The following TTN variants were observed in gnomAD, a reference collection of about 807,000 sequenced individuals.
The protein encoded by TTN is connectin.
Under a neutral mutation model 3,223.0 loss-of-function variants are expected in TTN, and 1,525 were observed. The observed-to-expected ratio is 0.47, with a 90% confidence interval of 0.45 to 0.49. The LOEUF is 0.49. Among genes scored for constraint, TTN ranks in the 20% least tolerant of loss-of-function variants. The probability of loss-of-function intolerance (pLI) is 0.00; values close to 1 mark genes in which losing one functional copy is unlikely to be tolerated. For synonymous variants in TTN, 14,094 were observed against 15,161.0 expected, an observed-to-expected ratio of 0.93 and a Z score of 5.17; for missense variants, 40,786 against 43,424.0, an observed-to-expected ratio of 0.94 and a Z score of 5.40.
At chr2:178,734,627 T>G in intron 51 of TTN, 21 bp from the exon 52 acceptor site, 1 of 1,560,062 alleles carries the variant, frequency 6.4e-7, no homozygotes, top group African/African-American at 1.4e-5. Flanking sequence ...ATGAAAGCAT[T>G]GTGTAAGTAA....
chr2:178,727,760 T>C lies in TTN; in HGVS notation c.19818A>G (p.Lys6606=), dbSNP rs397517492. Residue 6606 remains lysine (K), a synonymous_variant, in exon 68 of 363, where the codon AAA becomes AAG. Transcript: ENST00000589042. The stretch of plus-strand genomic sequence containing the variant: ...CAAGTTCCACATCATCCTTAAACCA[T>C]TTTATTTTAAATGGTGGTGTTCCTT... ...ILKGTPPFKI[K]WFKDDVELVS... 94 of 1,613,284 alleles carry C rather than the reference T, an allele frequency of 5.8e-5. No homozygotes were observed. In the South Asian group the frequency reaches 6.7e-4, roughly 12 times the overall value.
At chr2:178,735,100 C>T in intron 50 of TTN, 112 bp from the exon 51 acceptor site, 1 of 1,230,290 alleles carries the variant, frequency 8.1e-7, no homozygotes. Flanking sequence ...AATATCTCCA[C>T]AAAATTTCTG....
At chr2:178,807,103 T>C (rs541863118) in intron 1 of TTN, 109 bp downstream of exon 1, 1 of 152,250 alleles carries the variant, frequency 6.6e-6, no homozygotes, top group Admixed American at 6.5e-5. Flanking sequence ...TGGCAAGAAA[T>C]AGTCATACAA....
rs773233047 is a variant in TTN at position 178,633,138 on chromosome 2, A to G, written c.43086+49T>C. 34 of 1,602,822 alleles carry G rather than the reference A, an allele frequency of 2.1e-5. 1 individual carries two copies. The South Asian group carries it at 3.8e-4, about 18-fold the overall frequency. On this transcript the variant is annotated intron_variant, in intron 233 of 362. Coordinates refer to ENST00000589042, the MANE Select transcript of TTN (RefSeq NM_001267550.2). ...GATATTTTATGCCTTTTTTCACCCT[A>G]CACAACCAAGCAACCCCTCTCCTAT...
intron 215 of TTN, among the ~76,000 whole-genome samples, 194 bp from the exon 216 acceptor site, chr2:178,646,753 A>G (rs772491112): frequency 1.3e-5 from 2 of 152,050 alleles, no homozygotes; most frequent in Non-Finnish European, 2.9e-5. Context: ...AGATTATTCA[A>G]TGTATATTGA....
intron 294 of TTN, 48 bp downstream of exon 294, chr2:178,597,490 T>A (rs773236911): frequency 7.0e-6 from 11 of 1,561,678 alleles, no homozygotes; most frequent in Non-Finnish European, 8.7e-6. Flanking sequence ...GTAAATATAA[T>A]AAGAATGTTG....
Position 178,561,605 on chromosome 2 carries a change from T to G in TTN, c.84527A>C (p.Gln28176Pro). The change falls in exon 326 of 363, where the codon CAA (glutamine) becomes CCA (proline). Residue 28176 changes from glutamine to proline, a missense_variant. Physicochemically the swap from Gln to Pro is moderately conservative, Grantham distance 76. Coordinates refer to ENST00000589042, the MANE Select transcript of TTN (RefSeq NM_001267550.2). ...ATKSTMLVTWQVPVNDGGSRV... is the reference protein window; with the variant it reads ...ATKSTMLVTWPVPVNDGGSRV... The stretch of plus-strand genomic sequence containing the variant: ...ACTTCCTCCATCATTAACTGGCACT[T>G]GCCAGGTTACAAGCATGGTAGATTT... 1 of 1,613,130 alleles carries G rather than the reference T, an allele frequency of 6.2e-7. No individual in the cohort carries two copies. The highest frequency in any genetic ancestry group is 2.2e-5 in the East Asian group (1 of 44,740).
Position 178,610,950 on chromosome 2 carries a change from C to T in TTN, c.51136+43G>A, listed in dbSNP as rs1324588455. 3.7e-6 allele frequency: 6 copies of T among 1,604,486 alleles called. No homozygotes were observed. The South Asian group carries it at 6.7e-5, about 18-fold the overall frequency. On this transcript the variant is annotated intron_variant, in intron 270 of 362. Coordinates refer to ENST00000589042, the MANE Select transcript of TTN (RefSeq NM_001267550.2). Reference sequence around the variant, plus strand: ...GCACTGCAAAGTTAACTAATTTCCTCTACATGTGAAGAATGTCTGGTTTTT... The same window carrying T: ...GCACTGCAAAGTTAACTAATTTCCTTTACATGTGAAGAATGTCTGGTTTTT...
At chr2:178,645,413 C>T (rs2061776338) in intron 217 of TTN, among the ~76,000 whole-genome samples, 1 of 151,800 alleles carries the variant, frequency 6.6e-6, no homozygotes, top group African/African-American at 2.4e-5. Flanking sequence ...CATATGCTTT[C>T]CTTTCATGAT....
Position 178,531,111 on chromosome 2 carries a change from C to T in TTN, c.105504G>A (p.Val35168=), listed in dbSNP as rs772197777. Residue 35168 remains valine (V), a synonymous_variant, in exon 358 of 363, where the codon GTG becomes GTA. Coordinates refer to ENST00000589042, the MANE Select transcript of TTN (RefSeq NM_001267550.2). ...PTVTWLRKGQ[V]LSTSARHQVT... ...CTTGGTGGCGGGCAGAAGTACTTAG[C>T]ACTTGTCCTTTACGCAGCCAGGTCA... 1.2e-6 allele frequency: 2 copies of T among 1,613,964 alleles called. No individual in the cohort carries two copies. The highest frequency in any genetic ancestry group is 2.2e-5 in the South Asian group (2 of 91,076).
Position 178,561,642 on chromosome 2 carries a change from C to T in TTN, c.84490G>A (p.Val28164Met). The change falls in exon 326 of 363, where the codon GTG becomes ATG. Residue 28164 changes from valine (V) to methionine (M), a missense_variant. Physicochemically the swap from Val to Met is conservative, Grantham distance 21. Transcript: ENST00000589042. ...PPGPPGTPKV[V>M]HATKSTMLVT... Reference sequence around the variant, plus strand: ...AGCATGGTAGATTTTGTGGCATGCACAACTTTAGGAGTACCAGGAGGACCT... The same window carrying T: ...AGCATGGTAGATTTTGTGGCATGCATAACTTTAGGAGTACCAGGAGGACCT... 1 of 1,610,248 alleles carries T rather than the reference C, an allele frequency of 6.2e-7. No homozygotes were observed. Among genetic ancestry groups the T allele is most frequent in the Admixed American group, 1.7e-5 (1 of 59,696 alleles).
chr2:178,793,706 A>G (rs2093629412), intron 8 of TTN, among the ~76,000 whole-genome samples, 165 bp from the exon 9 acceptor site: 1 of 152,216 alleles, frequency 6.6e-6, no homozygotes, highest in Non-Finnish European at 1.5e-5. Context: ...AGACTGAGGC[A>G]CAAGAATCAC....
At chr2:178,648,846 G>A (rs2062447592) in intron 213 of TTN, among the ~76,000 whole-genome samples, 1 of 152,104 alleles carries the variant, frequency 6.6e-6, no homozygotes, top group Non-Finnish European at 1.5e-5. Context: ...CACTTGCTAT[G>A]TGTAATCACT....
In TTN at chr2:178,535,003, C is replaced by T. The variant is rs1456770394; in HGVS notation, c.101612G>A (p.Arg33871Lys). The T allele has an allele frequency of 1.9e-6, 3 of 1,613,642 alleles. No individual in the cohort carries two copies. The highest frequency in any genetic ancestry group is 2.5e-6 in the Non-Finnish European group (3 of 1,179,848). ...ATGGAGGTGTAAGATGTTTCTATGC[C>T]TAGCAATATTCAGAATGGAAATTTC... is the stretch of plus-strand genomic sequence containing the variant. ...KKEISILNIA[R>K]HRNILHLHES... is the part of the protein sequence containing the mutation. The change falls in exon 358 of 363, where the codon AGG becomes AAG. Residue 33871 changes from arginine to lysine, a missense_variant. By Grantham distance (26) the Arg-to-Lys change is conservative. Coordinates refer to ENST00000589042, the MANE Select transcript of TTN (RefSeq NM_001267550.2).
Position 178,723,339 on chromosome 2 carries a change from A to G in TTN, c.21683-15T>C. 2 of 1,608,240 alleles carry G rather than the reference A, an allele frequency of 1.2e-6. No homozygotes were observed. Among genetic ancestry groups the G allele is most frequent in the Non-Finnish European group, 1.7e-6 (2 of 1,176,792 alleles). On this transcript the variant is annotated splice_polypyrimidine_tract_variant and intron_variant, in intron 74 of 362. Transcript: ENST00000589042. ...TGCAGCTGGTTCTAGTAAGTGACAAAGCACAGCAGTTAAACACAAGAAAAA... is the reference window on the plus strand; with the variant it reads ...TGCAGCTGGTTCTAGTAAGTGACAAGGCACAGCAGTTAAACACAAGAAAAA...
chr2:178,572,071 G>A lies in TTN; in HGVS notation c.74061C>T (p.Phe24687=). The change falls in exon 326 of 363, where the codon TTC becomes TTT. Residue 24687 remains phenylalanine, a synonymous_variant. Transcript: ENST00000589042. ...CCTTTTCATTCTGAGCTGAAACACG[G>A]AAAGAGTATTCTTCACCCTGAATTA... ...TGLIQGEEYS[F]RVSAQNEKGI... is the part of the protein sequence containing the mutation. The A allele has an allele frequency of 6.2e-7, 1 of 1,613,232 alleles. No homozygotes were observed. Among genetic ancestry groups the A allele is most frequent in the African/African-American group, 1.3e-5 (1 of 74,980 alleles).
Position 178,587,276 on chromosome 2 carries a change from GTCTT to G in TTN, c.63931_63934del (p.Lys21311HisfsTer16). 6.2e-7 allele frequency: 1 copy of G among 1,613,200 alleles called. No individual in the cohort carries two copies. Among genetic ancestry groups the G allele is most frequent in the Middle Eastern group, 1.7e-4 (1 of 6,050 alleles). ...AACTTCTGGGGTAACGGTCGACCAT[GTCTT>G]TCTGTCTGCCTCACGTTTCTCCACG... is the stretch of plus-strand genomic sequence containing the variant. On this transcript the variant is annotated frameshift_variant, in exon 307 of 363. Transcript: ENST00000589042. LOFTEE classifies it high-confidence loss of function.
chr2:178,777,522 G>A lies in TTN; in HGVS notation c.4543C>T (p.Leu1515=), dbSNP rs1465910141. 6.2e-7 allele frequency: 1 copy of A among 1,613,900 alleles called. No homozygotes were observed. Among genetic ancestry groups the A allele is most frequent in the African/African-American group, 1.3e-5 (1 of 75,040 alleles). ...VVIKEDGTQS[L]IIVPATPSDS... The stretch of plus-strand genomic sequence containing the variant: ...CTGGGTGTGGCAGGGACAATAATTA[G>A]TGATTGAGTACCATCTTCTTTAATG... Residue 1515 remains leucine, a synonymous_variant, in exon 26 of 363, where the codon CTA becomes TTA. Coordinates refer to ENST00000589042, the MANE Select transcript of TTN (RefSeq NM_001267550.2).
chr2:178,774,662 T>G (rs1195696089), intron 29 of TTN, 189 bp from the exon 30 acceptor site: 2 of 703,460 alleles, frequency 2.8e-6, no homozygotes, highest in African/African-American at 3.6e-5. Context: ...AATTTTTAAA[T>G]ATTTTTGAAA....
Sources: allele counts gnomAD v4.1 joint callset (sites outside exome capture counted in the v4.1 genomes callset), GRCh38; gene constraint gnomAD v4.1.1; transcripts MANE v1.5; gene names NCBI Gene and HGNC (gene_info 2026-07-23, HGNC 2026-07-21).